Variants in MYO3A observed in about 807,000 individuals in gnomAD.
MYO3A encodes the protein myosin-IIIa.
A neutral mutation model predicts 192.7 loss-of-function variants in MYO3A; 180 were observed. That is an observed-to-expected ratio of 0.93 (90% CI 0.83 to 1.06). The LOEUF is 1.06. Ranked by LOEUF, MYO3A falls within the 50% of genes least tolerant of loss-of-function variation. The pLI, the probability that MYO3A is intolerant of heterozygous loss-of-function variation, is 0.00. For missense variants in MYO3A, 1,896 were observed against 1,905.0 expected (o/e 1.00, Z 0.09); for synonymous variants, 628 against 645.3 (o/e 0.97, Z 0.41).
At position 26,096,926 on chromosome 10, in the gene MYO3A, A is replaced by C. The variant is rs1393175679; in HGVS notation, c.1776+244A>C. Reference sequence around the variant, plus strand: ...TTACTTATACTTACATTTCCCATATACATATATGGGAAATATATATATAAA... The same window carrying C: ...TTACTTATACTTACATTTCCCATATCCATATATGGGAAATATATATATAAA... On this transcript the variant is annotated intron_variant, in intron 17 of 34. Transcript: ENST00000642920. 2.0e-5 allele frequency among the ~76,000 whole-genome samples: 3 copies of C among 151,194 alleles called. No homozygotes were observed. In the South Asian group the frequency reaches 6.2e-4, roughly 31 times the overall value.
Position 26,203,097 on chromosome 10 carries a change from G to A in MYO3A, c.4720G>A (p.Ala1574Thr). 6.2e-7 allele frequency: 1 copy of A among 1,613,548 alleles called. No individual in the cohort carries two copies. The change falls in exon 34 of 35, where the codon GCT becomes ACT. Residue 1574 changes from alanine to threonine, a missense_variant. Transcript: ENST00000642920. ...QQELQNQCIK[A>T]NERCWAAESP... is the part of the protein sequence containing the mutation. ...AGAACTCCAGAATCAATGTATTAAG[G>A]CTAATGAAAGGTAAAAAGCTAAACT...
chr10:26,116,142 T>C lies in MYO3A; in HGVS notation c.1777-4534T>C, dbSNP rs185941791. ...AGGGCTGCCATAACAAACTACCACA[T>C]ACTTTGTAGCTTAAACCACAGAAGT... On this transcript the variant is annotated intron_variant, in intron 17 of 34. Transcript: ENST00000642920. Among the ~76,000 whole-genome samples, 32 of 152,292 alleles carry C rather than the reference T, an allele frequency of 2.1e-4. 1 individual carries two copies. The highest frequency in any genetic ancestry group is 5.9e-5 in the Non-Finnish European group (4 of 68,012).
chr10:26,013,111 T>C (rs1249786795), intron 6 of MYO3A, among the ~76,000 whole-genome samples: 4 of 152,230 alleles, frequency 2.6e-5, no homozygotes, highest in South Asian at 4.1e-4. Flanking sequence ...TCTCACCTTA[T>C]ACAAAAAGCA....
At position 26,026,495 on chromosome 10, in the gene MYO3A, G is replaced by A; in HGVS notation, c.916G>A (p.Gly306Ser). ...ACAAAAACAACTAACGGAATTCATT[G>A]GCATCCATCAATGCATGGGAGGCAC... The part of the protein sequence containing the change: ...MLQKQLTEFI[G>S]IHQCMGGTEK... Residue 306 changes from glycine (G) to serine (S), a missense_variant, in exon 10 of 35, where the codon GGC (glycine) becomes AGC (serine). Transcript: ENST00000642920. The A allele has an allele frequency of 6.2e-7, 1 of 1,614,078 alleles. No individual in the cohort carries two copies. The highest frequency in any genetic ancestry group is 8.5e-7 in the Non-Finnish European group (1 of 1,179,990).
rs1203244740 is a variant in MYO3A at position 26,212,298 on chromosome 10, T to G, written c.*335T>G. ...TTTTTGTGACTCCTGTGGACTCCAC[T>G]GCGCCTGGGATCTCGCCAACCCCTC... On this transcript the variant is annotated 3_prime_UTR_variant, in exon 35 of 35. Transcript: ENST00000642920. 5 of 405,302 alleles carry G rather than the reference T, an allele frequency of 1.2e-5. No individual in the cohort carries two copies. The highest frequency in any genetic ancestry group is 2.2e-5 in the Non-Finnish European group (5 of 229,876). The allele number at this position is 405,302 out of a possible 1,614,324, so 25.1% of individuals were successfully genotyped here. A position where few individuals can be genotyped will look rare whatever the true frequency, so the allele number is the denominator to read the frequency against.
At chr10:26,144,795 C>A (rs746619490) in intron 21 of MYO3A, among the ~76,000 whole-genome samples, 2 of 152,076 alleles carry the variant, frequency 1.3e-5, no homozygotes, top group Non-Finnish European at 2.9e-5. Flanking sequence ...TCAGCATCAC[C>A]TGAGAACTTA....
At chr10:26,067,135 C>T (rs946203755) in intron 11 of MYO3A, 61 bp downstream of exon 11, 1 of 1,146,806 alleles carries the variant, frequency 8.7e-7, no homozygotes, top group Non-Finnish European at 1.3e-6. Flanking sequence ...TTATAGAAGA[C>T]ACGGGTATTG....
intron 4 of MYO3A, among the ~76,000 whole-genome samples, chr10:25,991,654 A>G (rs1840040470): frequency 6.6e-6 from 1 of 152,188 alleles, no homozygotes; most frequent in Admixed American, 6.5e-5. Context: ...TAGGTCTAAC[A>G]TTTAAGTCTT....
chr10:26,133,620 G>C (rs1839676577), intron 20 of MYO3A, among the ~76,000 whole-genome samples: 1 of 152,126 alleles, frequency 6.6e-6, no homozygotes, highest in Non-Finnish European at 1.5e-5. Flanking sequence ...CTGAGTTGGG[G>C]TCTTGCCCTG....
intron 4 of MYO3A, among the ~76,000 whole-genome samples, chr10:25,991,273 G>A (rs1039661501): frequency 6.6e-6 from 1 of 152,206 alleles, no homozygotes; most frequent in Non-Finnish European, 1.5e-5. Flanking sequence ...GTGATGATGA[G>A]CATTTTTTCA....
intron 4 of MYO3A, among the ~76,000 whole-genome samples, chr10:25,960,898 G>A (rs1303038473): frequency 6.6e-6 from 1 of 152,080 alleles, no homozygotes; most frequent in Non-Finnish European, 1.5e-5. Context: ...TTTGAGATAG[G>A]TTTGTATTTT....
At chr10:25,973,850 C>A (rs144077970) in intron 4 of MYO3A, among the ~76,000 whole-genome samples, 6,582 of 152,230 alleles carry the variant, frequency 0.043, 184 homozygotes, top group Middle Eastern at 0.068. Context: ...AAAGGATTCC[C>A]TATTTAATAA....
chr10:26,052,197 C>T (rs764121821), intron 10 of MYO3A, among the ~76,000 whole-genome samples: 9 of 152,132 alleles, frequency 5.9e-5, no homozygotes, highest in South Asian at 2.1e-4. Context: ...TAAACATGTA[C>T]GGATTTTCAT....
In MYO3A at chr10:26,034,480, A is replaced by T. The variant is rs549445685; in HGVS notation, c.953+7948A>T. Among the ~76,000 whole-genome samples, 3 of 152,344 alleles carry T rather than the reference A, an allele frequency of 2.0e-5. No individual in the cohort carries two copies. In the East Asian group the frequency reaches 5.8e-4, roughly 29 times the overall value. ...TAAGTCGATTCTAATGGCCCCATAG[A>T]TGAAGTAAAGACTGTATCTCAAATT... On this transcript the variant is annotated intron_variant, in intron 10 of 34. Coordinates refer to ENST00000642920, the MANE Select transcript of MYO3A (RefSeq NM_017433.5).
At chr10:25,965,908 C>A (rs2130688902) in intron 4 of MYO3A, among the ~76,000 whole-genome samples, 1 of 151,878 alleles carries the variant, frequency 6.6e-6, no homozygotes, top group East Asian at 1.9e-4. Context: ...CACCCATTGG[C>A]TACCGGGGTA....
At chr10:26,089,640 T>C (rs1314547973) in intron 15 of MYO3A, among the ~76,000 whole-genome samples, 3 of 152,132 alleles carry the variant, frequency 2.0e-5, no homozygotes, top group Admixed American at 6.5e-5. Flanking sequence ...TAAACACATA[T>C]GGCTTTCAAC....
At chr10:26,100,899 A>G (rs1207945438) in intron 17 of MYO3A, among the ~76,000 whole-genome samples, 4 of 152,156 alleles carry the variant, frequency 2.6e-5, no homozygotes, top group Non-Finnish European at 5.9e-5. Context: ...AGTTCTGTAG[A>G]TGTCTGTTAG....
At chr10:26,169,775 A>G (rs1309917471) in intron 28 of MYO3A, among the ~76,000 whole-genome samples, 1 of 152,198 alleles carries the variant, frequency 6.6e-6, no homozygotes, top group Admixed American at 6.5e-5. Context: ...AAACTCAGTA[A>G]TTTGGGCTCT....
At chr10:26,196,154 G>C (rs1843396955) in intron 32 of MYO3A, among the ~76,000 whole-genome samples, 1 of 152,192 alleles carries the variant, frequency 6.6e-6, no homozygotes, top group Non-Finnish European at 1.5e-5. Flanking sequence ...CAATTAAATA[G>C]AACAGCAGAA....
Sources: gnomAD v4.1 joint callset for allele counts (sites outside exome capture counted in the v4.1 genomes callset) on GRCh38, gnomAD v4.1.1 for gene constraint, MANE v1.5 for transcripts, NCBI Gene and HGNC (gene_info 2026-07-23, HGNC 2026-07-21) for gene names.